STOX1: variants seen among roughly 807,000 people sequenced by gnomAD.
The protein encoded by STOX1 is storkhead box 1.
In STOX1, 57 loss-of-function variants were observed where a neutral mutation model predicts 74.8. The ratio of observed to expected loss-of-function variants is 0.76; its 90% CI spans 0.62 to 0.95. The LOEUF is 0.95. Ranked by LOEUF, STOX1 falls within the 40% of genes least tolerant of loss-of-function variation. The pLI is 0.00. For synonymous variants in STOX1, 375 were observed against 401.3 expected (o/e 0.93, Z 0.78); for missense variants, 1,010 against 1,117.0 (o/e 0.90, Z 1.37).
In STOX1 at chr10:68,885,970, T is replaced by C. The variant is rs773894598; in HGVS notation, c.2174T>C (p.Val725Ala). The change falls in exon 3 of 4, where the codon GTG (valine) becomes GCG (alanine). Residue 725 changes from valine to alanine, a missense_variant. By Grantham distance (64) the Val-to-Ala change is moderately conservative (BLOSUM62 0). Transcript: ENST00000298596. ...GACCAGGCCTTGTATCAGAATGAAGTGGAAGATGATGATGGTGCCTGTAGT... is the reference window on the plus strand; with the variant it reads ...GACCAGGCCTTGTATCAGAATGAAGCGGAAGATGATGATGGTGCCTGTAGT... ...NDDQALYQNE[V>A]EDDDGACSSL... 1.9e-6 allele frequency: 3 copies of C among 1,614,106 alleles called. No individual in the cohort carries two copies. The highest frequency in any genetic ancestry group is 2.5e-6 in the Non-Finnish European group (3 of 1,180,032).
At chr10:68,855,632 A>T (rs971996897) in intron 1 of STOX1, among the ~76,000 whole-genome samples, 1 of 151,488 alleles carries the variant, frequency 6.6e-6, no homozygotes, top group African/African-American at 2.4e-5. Flanking sequence ...TTTTGTAGTG[A>T]TGGGATCTCA....
chr10:68,831,931 T>TTC, intron 1 of STOX1, among the ~76,000 whole-genome samples: 1 of 147,292 alleles, frequency 6.8e-6, no homozygotes, highest in East Asian at 2.0e-4. Flanking sequence ...TTTCTTTTCT[T>TTC]TTTTTTTTTT....
chr10:68,828,384 G>C (rs1276826050), intron 1 of STOX1: 1 of 834,390 alleles, frequency 1.2e-6, no homozygotes, highest in African/African-American at 1.8e-5. Context: ...GCGCTGCTCT[G>C]AGGGCCCGGG....
chr10:68,836,302 A>G (rs922554840), intron 1 of STOX1, among the ~76,000 whole-genome samples: 2 of 152,230 alleles, frequency 1.3e-5, no homozygotes, highest in Non-Finnish European at 2.9e-5. Flanking sequence ...TGTTTTGAAG[A>G]TAAGGTACCT....
At position 68,867,181 on chromosome 10, in the gene STOX1, G is replaced by A. The variant is rs554665348; in HGVS notation, c.311-14777G>A. 1.5e-4 allele frequency among the ~76,000 whole-genome samples: 23 copies of A among 152,030 alleles called. 1 individual carries two copies. In the South Asian group the frequency reaches 2.9e-3, roughly 19 times the overall value. Reference sequence around the variant, plus strand: ...AGGATGGTCTCAATCTCCTGACCTCGTGATCCGCCCGCCTCAGCCTCCTAA... The same window carrying A: ...AGGATGGTCTCAATCTCCTGACCTCATGATCCGCCCGCCTCAGCCTCCTAA... On this transcript the variant is annotated intron_variant, in intron 1 of 3. Coordinates refer to ENST00000298596, the MANE Select transcript of STOX1 (RefSeq NM_152709.5).
rs1351601996 is a variant in STOX1 at position 68,886,413 on chromosome 10, A to G, written c.2617A>G (p.Thr873Ala). The change falls in exon 3 of 4, where the codon ACT becomes GCT. Residue 873 changes from threonine to alanine, a missense_variant. Transcript: ENST00000298596. ...TTTTGAAGCTGAAGTCATACAAGACACTATTGGTGACACAGGAAAGAAGCC... is the reference window on the plus strand; with the variant it reads ...TTTTGAAGCTGAAGTCATACAAGACGCTATTGGTGACACAGGAAAGAAGCC... The part of the protein sequence containing the change: ...ASFEAEVIQD[T>A]IGDTGKKPAS... 6.2e-7 allele frequency: 1 copy of G among 1,614,262 alleles called. No individual in the cohort carries two copies. The highest frequency in any genetic ancestry group is 8.5e-7 in the Non-Finnish European group (1 of 1,180,040).
At chr10:68,852,290 C>T (rs1325537669) in intron 1 of STOX1, among the ~76,000 whole-genome samples, 8 of 119,768 alleles carry the variant, frequency 6.7e-5, no homozygotes, top group Non-Finnish European at 1.1e-4. Context: ...CTCGCTCTGT[C>T]GCCCAGGCCG....
intron 1 of STOX1, among the ~76,000 whole-genome samples, chr10:68,856,561 G>A (rs1382072217): frequency 4.6e-5 from 7 of 152,080 alleles, no homozygotes; most frequent in Non-Finnish European, 7.3e-5. Flanking sequence ...TGTTTCCCCT[G>A]TGTAGGGGAC....
At chr10:68,832,661 TA>T (rs201819482) in intron 1 of STOX1, among the ~76,000 whole-genome samples, 8,145 of 66,932 alleles carry the variant, frequency 0.12, 334 homozygotes, top group East Asian at 0.42. Flanking sequence ...GAAAATGTCT[TA>T]AAAAAAAAAA....
chr10:68,865,180 A>G (rs1840371605), intron 1 of STOX1, among the ~76,000 whole-genome samples: 1 of 152,366 alleles, frequency 6.6e-6, no homozygotes, highest in African/African-American at 2.4e-5. Flanking sequence ...TGCTTGCCCT[A>G]CATACGTCTG....
intron 1 of STOX1, among the ~76,000 whole-genome samples, chr10:68,858,121 A>G (rs1428529832): frequency 6.6e-6 from 1 of 152,120 alleles, no homozygotes; most frequent in Non-Finnish European, 1.5e-5. Flanking sequence ...AAAGCCAGAT[A>G]GCCTGTGCAG....
At chr10:68,848,783 G>A (rs1839912438) in intron 1 of STOX1, among the ~76,000 whole-genome samples, 1 of 152,110 alleles carries the variant, frequency 6.6e-6, no homozygotes, top group Admixed American at 6.6e-5. Context: ...TCCTGCCTCA[G>A]CCATCCAAGT....
rs750895600 is a variant in STOX1, at chr10:68,885,271, G to GA, written c.1477dup (p.Ile493AsnfsTer3). 1.2e-6 allele frequency: 2 copies of GA among 1,614,176 alleles called. No individual in the cohort carries two copies. Among genetic ancestry groups the GA allele is most frequent in the South Asian group, 1.1e-5 (1 of 91,078 alleles). ...GGTTCCCATTTGATTTACAAAAAGC[G>GA]AATCAGTAATCCTTTCCAGGGTTTG... On this transcript the variant is annotated frameshift_variant, in exon 3 of 4. Transcript: ENST00000298596. LOFTEE classifies it high-confidence loss of function.
intron 1 of STOX1, among the ~76,000 whole-genome samples, chr10:68,856,931 G>A (rs1333776800): frequency 2.0e-5 from 3 of 152,062 alleles, no homozygotes; most frequent in Admixed American, 2.0e-4. Flanking sequence ...AGTCCTTTCA[G>A]TAGGTCTGTG....
chr10:68,863,981 GTGGCGCGATCTCGGCTCACTGCAAGCTC>G (rs1158852040), intron 1 of STOX1, among the ~76,000 whole-genome samples: 1 of 149,728 alleles, frequency 6.7e-6, no homozygotes, highest in Non-Finnish European at 1.5e-5. Flanking sequence ...CTGGAGTGCA[GTGGCGCGATCTCGGCTCACTGCAAGCTC>G]TGCCTGCCAG....
At chr10:68,860,161 G>A (rs912256876) in intron 1 of STOX1, among the ~76,000 whole-genome samples, 3 of 151,490 alleles carry the variant, frequency 2.0e-5, no homozygotes, top group Middle Eastern at 3.5e-3. Context: ...CCAGCTACTC[G>A]GGAGGCTGAG....
Position 68,885,230 on chromosome 10 carries a change from G to T in STOX1, c.1434G>T (p.Glu478Asp). The stretch of plus-strand genomic sequence containing the variant: ...TGGTAGGTCAGAAACCACTTGGTGA[G>T]ATTACAACAGTGCTAGGTTCCCATT... ...NEMVGQKPLG[E>D]ITTVLGSHLI... The change falls in exon 3 of 4, where the codon GAG becomes GAT. Residue 478 changes from glutamate to aspartate, a missense_variant. Coordinates refer to ENST00000298596, the MANE Select transcript of STOX1 (RefSeq NM_152709.5). The T allele has an allele frequency of 1.2e-6, 2 of 1,614,184 alleles. No individual in the cohort carries two copies. The highest frequency in any genetic ancestry group is 1.7e-6 in the Non-Finnish European group (2 of 1,180,044).
chr10:68,884,718 G>A lies in STOX1; in HGVS notation c.922G>A (p.Gly308Ser). 1.2e-6 allele frequency: 2 copies of A among 1,614,112 alleles called. No individual in the cohort carries two copies. Among genetic ancestry groups the A allele is most frequent in the Non-Finnish European group, 1.7e-6 (2 of 1,180,024 alleles). ...PLPYTRDKEK[G>S]KKFGFSLLWR... The stretch of plus-strand genomic sequence containing the variant: ...ACCATACACAAGAGATAAAGAAAAA[G>A]GCAAGAAGTTTGGTTTTAGTCTCTT... The change falls in exon 3 of 4, where the codon GGC becomes AGC. Residue 308 changes from glycine to serine, a missense_variant. Gly to Ser is a moderately conservative substitution (Grantham distance 56). Transcript: ENST00000298596.
chr10:68,885,978 G>C lies in STOX1; in HGVS notation c.2182G>C (p.Asp728His). ...CTTGTATCAGAATGAAGTGGAAGAT[G>C]ATGATGGTGCCTGTAGTTCATTATA... ...QALYQNEVEDDDGACSSLYLE... is the reference protein window; with the variant it reads ...QALYQNEVEDHDGACSSLYLE... The change falls in exon 3 of 4, where the codon GAT (aspartate) becomes CAT (histidine). Residue 728 changes from aspartate to histidine, a missense_variant. Asp to His is a moderately conservative substitution (Grantham distance 81, BLOSUM62 -1). Coordinates refer to ENST00000298596, the MANE Select transcript of STOX1 (RefSeq NM_152709.5). The C allele has an allele frequency of 1.2e-6, 2 of 1,614,174 alleles. No homozygotes were observed. Among genetic ancestry groups the C allele is most frequent in the Non-Finnish European group, 1.7e-6 (2 of 1,180,040 alleles).
Sources: gnomAD v4.1 joint callset for allele counts (sites outside exome capture counted in the v4.1 genomes callset) on GRCh38, gnomAD v4.1.1 for gene constraint, MANE v1.5 for transcripts, NCBI Gene and HGNC (gene_info 2026-07-23, HGNC 2026-07-21) for gene names.